The following CCAR1 variants were observed in gnomAD, a reference collection of about 807,000 sequenced individuals.
CCAR1 encodes the protein cell division cycle and apoptosis regulator protein 1.
Under a neutral mutation model 163.8 loss-of-function variants are expected in CCAR1, and 78 were observed. That is an observed-to-expected ratio of 0.48 (90% CI 0.40 to 0.57). CCAR1 has a LOEUF of 0.57. Ranked by LOEUF, CCAR1 falls within the 20% of genes least tolerant of loss-of-function variation. The pLI is 0.00. For missense variants in CCAR1, 1,019 were observed against 1,365.2 expected, an observed-to-expected ratio of 0.75 and a Z score of 4.00; for synonymous variants, 443 against 460.7, an observed-to-expected ratio of 0.96 and a Z score of 0.49.
chr10:68,776,498 G>A (rs960486677), intron 19 of CCAR1, among the ~76,000 whole-genome samples: 4 of 152,024 alleles, frequency 2.6e-5, no homozygotes, highest in African/African-American at 4.8e-5. Context: ...CCCAGGAGGC[G>A]GAGGTTGCGG....
At chr10:68,750,672 C>G (rs1047614765) in intron 10 of CCAR1, among the ~76,000 whole-genome samples, 14 of 152,010 alleles carry the variant, frequency 9.2e-5, no homozygotes, top group African/African-American at 3.4e-4. Context: ...GGGTTATGGT[C>G]GCAACTTAGG....
At chr10:68,783,844 G>A (rs543868422) in intron 19 of CCAR1, among the ~76,000 whole-genome samples, 153 of 151,690 alleles carry the variant, frequency 1.0e-3, no homozygotes, top group Non-Finnish European at 1.8e-3. Flanking sequence ...TGCAAGCTCC[G>A]CCTCCTGGGT....
chr10:68,747,043 G>GT, intron 6 of CCAR1, 118 bp from the exon 7 acceptor site: 11 of 583,338 alleles, frequency 1.9e-5, no homozygotes, highest in Admixed American at 3.6e-5. Flanking sequence ...ATAGTTTACT[G>GT]TTTATTTTTT....
intron 2 of CCAR1, among the ~76,000 whole-genome samples, chr10:68,730,780 T>C (rs989508833): frequency 6.6e-6 from 1 of 152,176 alleles, no homozygotes; most frequent in African/African-American, 2.4e-5. Flanking sequence ...AGCCTTGATA[T>C]CCTGGGCTCA....
chr10:68,724,456 C>T (rs994738195), intron 2 of CCAR1, among the ~76,000 whole-genome samples: 1 of 152,020 alleles, frequency 6.6e-6, no homozygotes, highest in African/African-American at 2.4e-5. Flanking sequence ...TAAAGGGAGA[C>T]TCTCCCCAAA....
At chr10:68,723,333 C>G (rs959798973) in intron 2 of CCAR1, among the ~76,000 whole-genome samples, 3 of 148,692 alleles carry the variant, frequency 2.0e-5, no homozygotes, top group Non-Finnish European at 4.5e-5. Flanking sequence ...GTTTCACCGT[C>G]TTAGCCAGGA....
At chr10:68,745,970 T>TTTTA (rs944967987) in intron 6 of CCAR1, among the ~76,000 whole-genome samples, 16 of 151,924 alleles carry the variant, frequency 1.1e-4, no homozygotes, top group Non-Finnish European at 2.1e-4. Flanking sequence ...TTTTTAAATT[T>TTTTA]TTTATTTATT....
intron 20 of CCAR1, 74 bp downstream of exon 20, chr10:68,786,292 T>C: frequency 9.1e-7 from 1 of 1,099,884 alleles, no homozygotes; most frequent in South Asian, 1.4e-5. Flanking sequence ...AGTTGTGAAG[T>C]TTATTAGTCC....
chr10:68,788,744 A>G (rs772464400), intron 23 of CCAR1, among the ~76,000 whole-genome samples: 6 of 152,122 alleles, frequency 3.9e-5, no homozygotes, highest in South Asian at 2.1e-4. Context: ...TTGGCCTCCT[A>G]TAGTGTTGGG....
Position 68,770,418 on chromosome 10 carries a change from T to A in CCAR1, c.2299-788T>A, listed in dbSNP as rs114697260. Among the ~76,000 whole-genome samples, 603 of 152,258 alleles carry A rather than the reference T, an allele frequency of 4.0e-3. 4 individuals carry two copies. Among genetic ancestry groups the A allele is most frequent in the African/African-American group, 0.014 (583 of 41,550 alleles). On this transcript the variant is annotated intron_variant, in intron 17 of 24. Coordinates refer to ENST00000265872, the MANE Select transcript of CCAR1 (RefSeq NM_018237.4). ...GGCATTTGACTTAAAACTTATTGAGTAAATGAATAAGGTACACTTATCATG... is the reference window on the plus strand; with the variant it reads ...GGCATTTGACTTAAAACTTATTGAGAAAATGAATAAGGTACACTTATCATG...
At chr10:68,737,094 A>G (rs749350177) in intron 3 of CCAR1, 46 bp downstream of exon 3, 2 of 1,351,858 alleles carry the variant, frequency 1.5e-6, no homozygotes. Context: ...AAACTTTATG[A>G]AATCTGAGTA....
In CCAR1 at chr10:68,771,271, A is replaced by G; in HGVS notation, c.2364A>G (p.Lys788=). 6.2e-7 allele frequency: 1 copy of G among 1,607,066 alleles called. No individual in the cohort carries two copies. Among genetic ancestry groups the G allele is most frequent in the Non-Finnish European group, 8.5e-7 (1 of 1,177,020 alleles). Residue 788 remains lysine (K), a synonymous_variant, in exon 18 of 25, where the codon AAA becomes AAG. Transcript: ENST00000265872. The part of the protein sequence containing the change: ...LQRDFGVRIY[K]SLLSLPEKED... The stretch of plus-strand genomic sequence containing the variant: ...GAGATTTTGGTGTCCGTATATACAA[A>G]TCATTACTGTCTCTTCCTGAGAAAG...
intron 19 of CCAR1, among the ~76,000 whole-genome samples, 192 bp downstream of exon 19, chr10:68,773,291 A>T (rs1383535319): frequency 6.6e-6 from 1 of 152,134 alleles, no homozygotes; most frequent in East Asian, 1.9e-4. Flanking sequence ...ATTACTAATT[A>T]TCCTATGTCT....
At chr10:68,783,617 T>C (rs2133427875) in intron 19 of CCAR1, among the ~76,000 whole-genome samples, 1 of 152,206 alleles carries the variant, frequency 6.6e-6, no homozygotes, top group Middle Eastern at 3.4e-3. Context: ...AAAATTCTCA[T>C]GGATGACTTT....
At chr10:68,767,511 G>T (rs564873280) in intron 17 of CCAR1, among the ~76,000 whole-genome samples, 1 of 152,224 alleles carries the variant, frequency 6.6e-6, no homozygotes, top group African/African-American at 2.4e-5. Flanking sequence ...TTCTCAAATT[G>T]CTGAGATTAC....
chr10:68,737,848 T>C lies in CCAR1; in HGVS notation c.250T>C (p.Tyr84His). The C allele has an allele frequency of 1.3e-6, 2 of 1,586,380 alleles. No homozygotes were observed. Among genetic ancestry groups the C allele is most frequent in the Non-Finnish European group, 1.7e-6 (2 of 1,169,202 alleles). Residue 84 changes from tyrosine (Y) to histidine (H), a missense_variant, in exon 4 of 25, where the codon TAT becomes CAT. Coordinates refer to ENST00000265872, the MANE Select transcript of CCAR1 (RefSeq NM_018237.4). ...AAAAAALQQQYSQPQQALYSV... is the reference protein window; with the variant it reads ...AAAAAALQQQHSQPQQALYSV... The stretch of plus-strand genomic sequence containing the variant: ...AAATTTTTTTTTAATCTTTCAGCAA[T>C]ATTCACAACCTCAGCAGGCCCTGTA...
rs116252712 is a variant in CCAR1, at chr10:68,748,140, C to T, written c.826+574C>T. Reference sequence around the variant, plus strand: ...AAGTACTGGGATTACAGGCTTGAGCCGCTGCACCCGGTCCAGACGTGTTCT... The same window carrying T: ...AAGTACTGGGATTACAGGCTTGAGCTGCTGCACCCGGTCCAGACGTGTTCT... On this transcript the variant is annotated intron_variant, in intron 8 of 24. Transcript: ENST00000265872. Among the ~76,000 whole-genome samples the T allele has an allele frequency of 6.0e-3, 920 of 152,268 alleles. 7 individuals are homozygous for T. The highest frequency in any genetic ancestry group is 0.021 in the African/African-American group (877 of 41,544).
At chr10:68,747,074 A>C (rs943794422) in intron 6 of CCAR1, 87 bp from the exon 7 acceptor site, 2 of 654,338 alleles carry the variant, frequency 3.1e-6, no homozygotes, top group African/African-American at 1.9e-5. Flanking sequence ...GGTTTACTTT[A>C]AAGTACTAAC....
chr10:68,737,059 A>C lies in CCAR1; in HGVS notation c.246+11A>C, dbSNP rs1212007715. On this transcript the variant is annotated intron_variant, in intron 3 of 24. Coordinates refer to ENST00000265872, the MANE Select transcript of CCAR1 (RefSeq NM_018237.4). ...GCTGCATTACAACAGGTAAATCTTT[A>C]ATATGTCTTATTATTTGATGTAGAA... is the stretch of plus-strand genomic sequence containing the variant. The C allele has an allele frequency of 1.3e-6, 2 of 1,597,198 alleles. No homozygotes were observed. Among genetic ancestry groups the C allele is most frequent in the Non-Finnish European group, 1.7e-6 (2 of 1,166,784 alleles).
Sources: gnomAD v4.1 joint callset for allele counts (sites outside exome capture counted in the v4.1 genomes callset) on GRCh38, gnomAD v4.1.1 for gene constraint, MANE v1.5 for transcripts, NCBI Gene and HGNC (gene_info 2026-07-23, HGNC 2026-07-21) for gene names.